MYO3B: variants seen among roughly 807,000 people sequenced by gnomAD.
The protein encoded by MYO3B is myosin-IIIb.
MYO3B carries 156 observed loss-of-function variants against 174.6 expected under a neutral mutation model. The observed-to-expected ratio is 0.89, with a 90% CI of 0.78 to 1.02. The LOEUF (loss-of-function observed/expected upper bound fraction) is 1.02. MYO3B is among the 50% of genes least tolerant of loss of function. The probability of loss-of-function intolerance (pLI) is 0.00; values close to 1 mark genes in which losing one functional copy is unlikely to be tolerated. For synonymous variants in MYO3B, 563 were observed against 569.1 expected (o/e 0.99, Z 0.15); for missense variants, 1,632 against 1,639.4 (o/e 1.00, Z 0.08).
chr2:170,524,989 T>C (rs6732114), intron 30 of MYO3B, among the ~76,000 whole-genome samples: 14,441 of 152,082 alleles, frequency 0.095, 2,034 homozygotes, highest in African/African-American at 0.31. Flanking sequence ...AGGCTCCAGG[T>C]CTCAGATAAT....
In MYO3B at chr2:170,340,303, A is replaced by T. The variant is rs561552013; in HGVS notation, c.815+4853A>T. 2.0e-5 allele frequency: 3 copies of T among 152,254 alleles called. No homozygotes were observed. The East Asian group carries it at 5.8e-4, about 29-fold the overall frequency. 9.4% of individuals were successfully genotyped at this position (152,254 alleles called of 1,614,324 possible). On this transcript the variant is annotated intron_variant, in intron 8 of 34. Transcript: ENST00000408978. ...CCGATTATTGAGACAATCAAGATGG[A>T]TTTCTCTTGGTCAAGGGCAATTCCA... is the stretch of plus-strand genomic sequence containing the variant.
At chr2:170,470,194 T>C (rs557706094) in intron 25 of MYO3B, among the ~76,000 whole-genome samples, 34 of 147,536 alleles carry the variant, frequency 2.3e-4, no homozygotes, top group Non-Finnish European at 4.2e-4. Flanking sequence ...ATGACTACCA[T>C]CTAATCATAG....
At chr2:170,609,884 G>T (rs184879712) in intron 32 of MYO3B, among the ~76,000 whole-genome samples, 1 of 152,250 alleles carries the variant, frequency 6.6e-6, no homozygotes. Context: ...GTGGGGAAAG[G>T]GGGGCCAGGC....
intron 8 of MYO3B, among the ~76,000 whole-genome samples, chr2:170,338,517 T>C (rs934602190): frequency 6.6e-5 from 10 of 152,236 alleles, no homozygotes; most frequent in Non-Finnish European, 1.3e-4. Context: ...TTTTTGGGAA[T>C]ATTTCTCAAA....
At chr2:170,647,789 C>T (rs1489541907) in intron 32 of MYO3B, among the ~76,000 whole-genome samples, 1 of 152,064 alleles carries the variant, frequency 6.6e-6, no homozygotes, top group Non-Finnish European at 1.5e-5. Flanking sequence ...GCAAGTTCGT[C>T]AAGAACAAAA....
intron 3 of MYO3B, among the ~76,000 whole-genome samples, chr2:170,207,690 T>C (rs192941861): frequency 1.8e-4 from 28 of 151,758 alleles, no homozygotes; most frequent in Admixed American, 1.0e-3. Context: ...CTTTTTTTTT[T>C]CTCAAAGGAT....
At chr2:170,447,710 A>T (rs1468767645) in intron 23 of MYO3B, among the ~76,000 whole-genome samples, 1 of 152,246 alleles carries the variant, frequency 6.6e-6, no homozygotes. Flanking sequence ...ATAGAGAAAG[A>T]GTAATTCACA....
chr2:170,449,249 T>C (rs545300350), intron 23 of MYO3B, among the ~76,000 whole-genome samples: 123 of 152,310 alleles, frequency 8.1e-4, no homozygotes, highest in African/African-American at 2.1e-3. Context: ...AAAGAAAGCA[T>C]GCCATTCCAG....
chr2:170,192,240 T>G (rs987929761), intron 1 of MYO3B, among the ~76,000 whole-genome samples: 3 of 151,764 alleles, frequency 2.0e-5, no homozygotes, highest in Non-Finnish European at 4.4e-5. Flanking sequence ...CTCTTTTTTT[T>G]TATTATTCTG....
At chr2:170,261,327 GA>G (rs1321706386) in intron 7 of MYO3B, among the ~76,000 whole-genome samples, 1 of 152,106 alleles carries the variant, frequency 6.6e-6, no homozygotes, top group African/African-American at 2.4e-5. Context: ...GCCCAGCCAA[GA>G]ATACATTTTT....
At chr2:170,626,085 C>G (rs1412144564) in intron 32 of MYO3B, among the ~76,000 whole-genome samples, 1 of 152,156 alleles carries the variant, frequency 6.6e-6, no homozygotes, top group Non-Finnish European at 1.5e-5. Context: ...TGGAGCAGAG[C>G]TAAATTCATT....
At chr2:170,637,946 G>T (rs1275314158) in intron 32 of MYO3B, among the ~76,000 whole-genome samples, 1 of 152,134 alleles carries the variant, frequency 6.6e-6, no homozygotes, top group Non-Finnish European at 1.5e-5. Context: ...AAGACTGAAA[G>T]ATCACAACTG....
chr2:170,183,670 G>GT (rs533162322), intron 1 of MYO3B, among the ~76,000 whole-genome samples: 381 of 151,726 alleles, frequency 2.5e-3, no homozygotes, highest in African/African-American at 8.9e-3. Context: ...TTATTTCTAT[G>GT]TTTTTTTGTC....
chr2:170,183,732 TGA>T (rs1330357661), intron 1 of MYO3B, among the ~76,000 whole-genome samples: 1 of 152,152 alleles, frequency 6.6e-6, no homozygotes, highest in Admixed American at 6.5e-5. Flanking sequence ...ATAGTGTTTG[TGA>T]GAGATACTTG....
chr2:170,477,007 C>T (rs546604432), intron 25 of MYO3B, among the ~76,000 whole-genome samples: 7 of 152,138 alleles, frequency 4.6e-5, no homozygotes, highest in Non-Finnish European at 8.8e-5. Flanking sequence ...ATATGTCAGC[C>T]TCTTTCTTTG....
intron 8 of MYO3B, among the ~76,000 whole-genome samples, chr2:170,351,552 C>T (rs555288157): frequency 2.0e-5 from 3 of 152,038 alleles, no homozygotes; most frequent in African/African-American, 4.8e-5. Context: ...TGCCATTCTA[C>T]AACCTGGCTC....
intron 8 of MYO3B, among the ~76,000 whole-genome samples, chr2:170,358,721 C>G (rs2094140489): frequency 6.6e-6 from 1 of 152,130 alleles, no homozygotes. Context: ...GTTGCAACCA[C>G]TCATTTTGAG....
intron 25 of MYO3B, among the ~76,000 whole-genome samples, chr2:170,485,877 C>T (rs1360103192): frequency 1.3e-5 from 2 of 152,152 alleles, no homozygotes; most frequent in Non-Finnish European, 2.9e-5. Flanking sequence ...CTTAATTTCC[C>T]TGGGATTCTA....
At chr2:170,238,121 A>C (rs1014021074) in intron 7 of MYO3B, among the ~76,000 whole-genome samples, 2 of 152,166 alleles carry the variant, frequency 1.3e-5, no homozygotes, top group Non-Finnish European at 2.9e-5. Flanking sequence ...CTTTAAAATT[A>C]CTCTGTCAAT....
Sources: gnomAD v4.1 joint callset for allele counts (sites outside exome capture counted in the v4.1 genomes callset) on GRCh38, gnomAD v4.1.1 for gene constraint, MANE v1.5 for transcripts, NCBI Gene and HGNC (gene_info 2026-07-23, HGNC 2026-07-21) for gene names.